Variants in ADAM17 observed in about 807,000 individuals in gnomAD.
ADAM17 encodes ADAM metallopeptidase domain 17, also known as disintegrin and metalloproteinase domain-containing protein 17.
In ADAM17, 39 loss-of-function variants were observed where a neutral mutation model predicts 96.7. The observed-to-expected ratio is 0.40, with a 90% CI of 0.31 to 0.53. The LOEUF is 0.53. Among genes scored for constraint, ADAM17 ranks in the 20% least tolerant of loss-of-function variants. The probability of loss-of-function intolerance (pLI) is 0.44; values close to 1 mark genes in which losing one functional copy is unlikely to be tolerated. For synonymous variants in ADAM17, 344 were observed against 359.2 expected, an observed-to-expected ratio of 0.96 and a Z score of 0.48; for missense variants, 777 against 1,013.2, an observed-to-expected ratio of 0.77 and a Z score of 3.17.
intron 12 of ADAM17, among the ~76,000 whole-genome samples, chr2:9,504,403 C>T (rs1663240262): frequency 6.6e-6 from 1 of 151,934 alleles, no homozygotes; most frequent in Non-Finnish European, 1.5e-5. Context: ...TGAGATCGCG[C>T]CACTGCACTC....
chr2:9,497,959 T>C (rs978308553), intron 13 of ADAM17, among the ~76,000 whole-genome samples: 2 of 152,204 alleles, frequency 1.3e-5, no homozygotes, highest in Non-Finnish European at 2.9e-5. Context: ...AATGATCAAA[T>C]CTATTAAGTT....
At chr2:9,510,686 G>C (rs1663688302) in intron 10 of ADAM17, among the ~76,000 whole-genome samples, 1 of 147,604 alleles carries the variant, frequency 6.8e-6, no homozygotes, top group South Asian at 2.1e-4. Context: ...AAAAAAATTA[G>C]CCAGGCATGG....
chr2:9,508,889 G>A (rs943830659), intron 11 of ADAM17, among the ~76,000 whole-genome samples: 23 of 152,080 alleles, frequency 1.5e-4, no homozygotes, highest in Admixed American at 9.2e-4. Context: ...GGCACAAGTT[G>A]TCAAGCAGAG....
intron 18 of ADAM17, 32 bp from the exon 19 acceptor site, chr2:9,490,550 G>A: frequency 6.3e-7 from 1 of 1,580,518 alleles, no homozygotes. Flanking sequence ...TGATTGATAG[G>A]AATAAAAGAT....
At chr2:9,497,696 C>G (rs938038579) in intron 13 of ADAM17, among the ~76,000 whole-genome samples, 17 of 152,182 alleles carry the variant, frequency 1.1e-4, no homozygotes, top group Non-Finnish European at 7.4e-5. Flanking sequence ...TTAACAGATA[C>G]TATTCCTTCT....
chr2:9,533,418 G>A (rs370507831), intron 4 of ADAM17, among the ~76,000 whole-genome samples: 9 of 151,108 alleles, frequency 6.0e-5, no homozygotes, highest in Admixed American at 1.3e-4. Flanking sequence ...GTGGTGGTGC[G>A]CACCTGTAAT....
intron 2 of ADAM17, among the ~76,000 whole-genome samples, chr2:9,541,337 T>C (rs1572955600): frequency 6.6e-6 from 1 of 152,066 alleles, no homozygotes; most frequent in African/African-American, 2.4e-5. Flanking sequence ...CTGAGGCAGG[T>C]GGATCACCTG....
rs1166642238 is a variant in ADAM17, at chr2:9,502,379, G to A, written c.1545-103C>T. On this transcript the variant is annotated intron_variant, in intron 12 of 18. Coordinates refer to ENST00000310823, the MANE Select transcript of ADAM17 (RefSeq NM_003183.6). ...CAGTGACCTGAAGATCACCGGGGAA[G>A]ACCTCCTGGCTCCGTCACCCACTCC... is the stretch of plus-strand genomic sequence containing the variant. The A allele has an allele frequency of 4.0e-6, 4 of 999,466 alleles. No homozygotes were observed. In the Admixed American group the frequency reaches 7.8e-5, roughly 20 times the overall value. 61.9% of individuals were successfully genotyped at this position (999,466 alleles called of 1,614,324 possible).
rs59009659 is a variant in ADAM17 at position 9,546,715 on chromosome 2, C to CT, written c.98-3431dup. Among the ~76,000 whole-genome samples, 132 of 137,808 alleles carry CT rather than the reference C, an allele frequency of 9.6e-4. 1 individual carries two copies. The highest frequency in any genetic ancestry group is 3.2e-3 in the East Asian group (16 of 4,964). The allele number at this position is 137,808 out of a possible 152,430, so 90.4% of individuals were successfully genotyped here. A position where few individuals can be genotyped will look rare whatever the true frequency, so the allele number is the denominator to read the frequency against. On this transcript the variant is annotated intron_variant, in intron 1 of 18. Transcript: ENST00000310823. ...TCTCAGCTCAGTGTCTGGCCATATTCTTTTTTTTTTTTTGAAATGGAGTCT... is the reference window on the plus strand; with the variant it reads ...TCTCAGCTCAGTGTCTGGCCATATTCTTTTTTTTTTTTTTGAAATGGAGTCT...
intron 16 of ADAM17, 72 bp from the exon 17 acceptor site, chr2:9,493,058 TATTACC>T: frequency 7.8e-7 from 1 of 1,281,502 alleles, no homozygotes; most frequent in Non-Finnish European, 1.1e-6. Flanking sequence ...GCTCTTAGGA[TATTACC>T]ATTGTGTCAA....
chr2:9,547,168 TTTG>T (rs1349566363), intron 1 of ADAM17, among the ~76,000 whole-genome samples: 1 of 152,180 alleles, frequency 6.6e-6, no homozygotes, highest in Non-Finnish European at 1.5e-5. Flanking sequence ...GTTATGTGCT[TTTG>T]TTATCTTTTT....
At chr2:9,508,002 A>G (rs1663515013) in intron 11 of ADAM17, among the ~76,000 whole-genome samples, 1 of 152,154 alleles carries the variant, frequency 6.6e-6, no homozygotes, top group Admixed American at 6.5e-5. Flanking sequence ...GTGAGCCACC[A>G]TGCCTCACTG....
intron 10 of ADAM17, among the ~76,000 whole-genome samples, chr2:9,514,923 G>A (rs1028631489): frequency 1.2e-4 from 19 of 152,188 alleles, no homozygotes; most frequent in Middle Eastern, 3.4e-3. Flanking sequence ...GGAATGTAGC[G>A]GGTATTCACA....
rs1414465884 is a variant in ADAM17, at chr2:9,555,655, C to A, written c.-50G>T. ...ACCTCTCTGGGCAGCCTTCGCCTGA[C>A]GGGGTTTCGGAAAACTGCTCACATC... On this transcript the variant is annotated 5_prime_UTR_variant, in exon 1 of 19. Transcript: ENST00000310823. The A allele has an allele frequency of 1.5e-5, 22 of 1,460,368 alleles. No homozygotes were observed. Among genetic ancestry groups the A allele is most frequent in the Non-Finnish European group, 2.0e-5 (22 of 1,086,330 alleles). The allele number at this position is 1,460,368 out of a possible 1,614,324, so 90.5% of individuals were successfully genotyped here. A position where few individuals can be genotyped will look rare whatever the true frequency, so the allele number is the denominator to read the frequency against.
rs1018066286 is a variant in ADAM17 at position 9,555,702 on chromosome 2, G to A, written c.-97C>T. 6 of 1,048,368 alleles carry A rather than the reference G, an allele frequency of 5.7e-6. No individual in the cohort carries two copies. In the African/African-American group the frequency reaches 9.8e-5, roughly 17 times the overall value. 64.9% of individuals were successfully genotyped at this position (1,048,368 alleles called of 1,614,324 possible). A position where few individuals can be genotyped will look rare whatever the true frequency, so the allele number is the denominator to read the frequency against. ...CATCGGGGGAGGACGGGATCCGCCC[G>A]GCCTAGCCCCTCAATCCTCTTTTCC... On this transcript the variant is annotated 5_prime_UTR_variant, in exon 1 of 19. Transcript: ENST00000310823.
intron 1 of ADAM17, among the ~76,000 whole-genome samples, chr2:9,555,032 T>C (rs1215447340): frequency 1.3e-5 from 2 of 152,106 alleles, no homozygotes; most frequent in Non-Finnish European, 2.9e-5. Flanking sequence ...ACGAGATTAC[T>C]GCATAAGTAC....
chr2:9,523,307 T>A lies in ADAM17; in HGVS notation c.785A>T (p.Tyr262Phe). 6.2e-7 allele frequency: 1 copy of A among 1,613,130 alleles called. No homozygotes were observed. Among genetic ancestry groups the A allele is most frequent in the Non-Finnish European group, 8.5e-7 (1 of 1,179,500 alleles). The change falls in exon 7 of 19, where the codon TAT becomes TTT. Residue 262 changes from tyrosine to phenylalanine, a missense_variant. Around this residue, in one of 3 missense-constraint regions of ADAM17, gnomAD observed 446 missense variants for 664.7 expected, o/e 0.67. Coordinates refer to ENST00000310823, the MANE Select transcript of ADAM17 (RefSeq NM_003183.6). ...TGCATTATCCCATGAAGTGTTCCGA[T>A]AGATGTCATCAACTCTGTCAATTAG... ...IELIDRVDDIYRNTSWDNAGF... is the reference protein window; with the variant it reads ...IELIDRVDDIFRNTSWDNAGF...
At chr2:9,534,651 G>A (rs1664887011) in intron 4 of ADAM17, among the ~76,000 whole-genome samples, 1 of 152,070 alleles carries the variant, frequency 6.6e-6, no homozygotes, top group South Asian at 2.1e-4. Context: ...ATATTGTATG[G>A]TCCTAGTTTT....
chr2:9,505,955 C>G (rs1663361330), intron 11 of ADAM17, among the ~76,000 whole-genome samples: 1 of 152,050 alleles, frequency 6.6e-6, no homozygotes, highest in Non-Finnish European at 1.5e-5. Flanking sequence ...TTTCATCAAC[C>G]AGCAAGACCA....
Sources: gnomAD v4.1 joint callset for allele counts (sites outside exome capture counted in the v4.1 genomes callset) on GRCh38, gnomAD v4.1.1 for gene constraint, gnomAD v4.1.1 regional missense constraint, MANE v1.5 for transcripts, NCBI Gene and HGNC (gene_info 2026-07-23, HGNC 2026-07-21) for gene names.